Variants in DNAH9 observed in about 807,000 individuals in gnomAD.
DNAH9 encodes DNAH9 variant protein.
Under a neutral mutation model 471.6 loss-of-function variants are expected in DNAH9, and 345 were observed. That is an observed-to-expected ratio of 0.73 (90% confidence interval 0.67 to 0.80). The LOEUF (loss-of-function observed/expected upper bound fraction) is 0.80, where lower values mean the gene tolerates loss of function less well. Among genes scored for constraint, DNAH9 ranks in the 30% least tolerant of loss-of-function variants. The pLI, the probability that DNAH9 is intolerant of heterozygous loss-of-function variation, is 0.00. For synonymous variants in DNAH9, 2,093 were observed against 2,123.6 expected (o/e 0.99, Z 0.40); for missense variants, 5,407 against 5,609.2 (o/e 0.96, Z 1.15).
At chr17:11,812,390 A>G (rs1969959432) in intron 45 of DNAH9, among the ~76,000 whole-genome samples, 2 of 151,934 alleles carry the variant, frequency 1.3e-5, no homozygotes, top group South Asian at 4.2e-4. Flanking sequence ...TATCTAGTAT[A>G]TATAGATATA....
At chr17:11,912,709 T>A (rs770307169) in intron 61 of DNAH9, among the ~76,000 whole-genome samples, 19 of 152,208 alleles carry the variant, frequency 1.2e-4, no homozygotes, top group African/African-American at 3.6e-4. Flanking sequence ...GGACTCAATT[T>A]GCTAACATTT....
At chr17:11,640,088 C>A (rs375095386) in intron 9 of DNAH9, among the ~76,000 whole-genome samples, 182 bp from the exon 10 acceptor site, 1 of 152,176 alleles carries the variant, frequency 6.6e-6, no homozygotes, top group Non-Finnish European at 1.5e-5. Context: ...TGGGAGTGTT[C>A]GTCTCAGGGT....
At chr17:11,802,744 G>A (rs968159747) in intron 43 of DNAH9, among the ~76,000 whole-genome samples, 1 of 151,860 alleles carries the variant, frequency 6.6e-6, no homozygotes, top group Admixed American at 6.6e-5. Flanking sequence ...GATCCAAGGC[G>A]AGAACCTATT....
In DNAH9 at chr17:11,797,638, GTA is replaced by G; in HGVS notation, c.8267_8268del (p.Tyr2756LeufsTer34). 2 of 1,614,132 alleles carry G rather than the reference GTA, an allele frequency of 1.2e-6. No homozygotes were observed. Among genetic ancestry groups the G allele is most frequent in the Non-Finnish European group, 1.7e-6 (2 of 1,180,030 alleles). Reference sequence around the variant, plus strand: ...TGGAGCAGACCCAAAGCCCGAACCTGTATTGTCACTTTGCAAATGGTATTGGG... The same window carrying G: ...TGGAGCAGACCCAAAGCCCGAACCTGTTGTCACTTTGCAAATGGTATTGGG... ...PVEQTQSPNL[Y>X]CHFANGIGEP... On this transcript the variant is annotated frameshift_variant, in exon 43 of 69. Coordinates refer to ENST00000262442, the MANE Select transcript of DNAH9 (RefSeq NM_001372.4). LOFTEE classifies it high-confidence loss of function.
At chr17:11,609,079 G>A (rs538014889) in intron 2 of DNAH9, among the ~76,000 whole-genome samples, 39 of 152,216 alleles carry the variant, frequency 2.6e-4, no homozygotes, top group Middle Eastern at 3.4e-3. Context: ...TTGTGGCAAC[G>A]GACAGCCTTC....
chr17:11,797,059 A>C (rs951530795), intron 42 of DNAH9, among the ~76,000 whole-genome samples: 12 of 152,146 alleles, frequency 7.9e-5, no homozygotes, highest in Non-Finnish European at 1.5e-5. Context: ...TAAACCAGTC[A>C]CCTGAGGGTG....
At chr17:11,731,041 GTGA>G (rs1410503258) in intron 28 of DNAH9, among the ~76,000 whole-genome samples, 3 of 149,394 alleles carry the variant, frequency 2.0e-5, no homozygotes, top group Non-Finnish European at 4.4e-5. Flanking sequence ...GGTGGTGTCA[GTGA>G]TGATGGTGAT....
chr17:11,771,502 A>C (rs1476995870), intron 38 of DNAH9, among the ~76,000 whole-genome samples: 3 of 152,196 alleles, frequency 2.0e-5, no homozygotes, highest in Admixed American at 1.3e-4. Context: ...AATCAGCTCC[A>C]ATAAACCACT....
At chr17:11,632,477 A>C (rs1321242271) in intron 7 of DNAH9, 110 bp from the exon 8 acceptor site, 11 of 633,326 alleles carry the variant, frequency 1.7e-5, no homozygotes, top group Non-Finnish European at 3.1e-5. Flanking sequence ...GAAAATTAAA[A>C]TAATTCTTTG....
chr17:11,698,251 T>A (rs1244922790), intron 22 of DNAH9, among the ~76,000 whole-genome samples: 1 of 46,582 alleles, frequency 2.1e-5, no homozygotes, highest in Non-Finnish European at 4.9e-5. Context: ...ATATAATATA[T>A]TAATATATAA....
intron 67 of DNAH9, among the ~76,000 whole-genome samples, chr17:11,951,389 T>C (rs1975355645): frequency 6.6e-6 from 1 of 152,166 alleles, no homozygotes; most frequent in Non-Finnish European, 1.5e-5. Context: ...CATTTGTAGT[T>C]TTTAATGTAA....
At chr17:11,843,863 G>A (rs56218471) in intron 49 of DNAH9, among the ~76,000 whole-genome samples, 22,621 of 45,854 alleles carry the variant, frequency 0.49, 6,393 homozygotes, top group Non-Finnish European at 0.6. Flanking sequence ...GTGTGTGTGT[G>A]TATATATATA....
chr17:11,611,046 T>TTGCCCC (rs61498349), intron 3 of DNAH9, among the ~76,000 whole-genome samples: 56,686 of 151,062 alleles, frequency 0.38, 11,809 homozygotes, highest in South Asian at 0.62. Context: ...GGCTTCATTA[T>TTGCCCC]TGCTCCTGCT....
At chr17:11,774,797 C>T (rs1164644280) in intron 38 of DNAH9, among the ~76,000 whole-genome samples, 2 of 152,098 alleles carry the variant, frequency 1.3e-5, no homozygotes, top group Non-Finnish European at 1.5e-5. Flanking sequence ...AATCACAGCT[C>T]ATCCTTTCTC....
intron 29 of DNAH9, among the ~76,000 whole-genome samples, chr17:11,740,463 C>A (rs2150833663): frequency 6.6e-6 from 1 of 152,284 alleles, no homozygotes; most frequent in Non-Finnish European, 1.5e-5. Context: ...TGTATCCTCA[C>A]ATGGAGGAAA....
At chr17:11,713,664 T>A (rs909689808) in intron 26 of DNAH9, among the ~76,000 whole-genome samples, 2 of 152,232 alleles carry the variant, frequency 1.3e-5, no homozygotes, top group African/African-American at 4.8e-5. Flanking sequence ...TAAGAAATCT[T>A]TGCCTAACTT....
intron 43 of DNAH9, among the ~76,000 whole-genome samples, chr17:11,802,071 A>G (rs898387298): frequency 2.0e-5 from 3 of 152,130 alleles, no homozygotes; most frequent in Non-Finnish European, 4.4e-5. Flanking sequence ...TTAGTTGTAT[A>G]ATTTCCCATA....
chr17:11,693,237 C>CTTTTTT (rs776422086), intron 20 of DNAH9, among the ~76,000 whole-genome samples: 9 of 77,436 alleles, frequency 1.2e-4, no homozygotes, highest in African/African-American at 1.7e-4. Flanking sequence ...TTAAAATGCC[C>CTTTTTT]TTTTTTTTTT....
intron 49 of DNAH9, among the ~76,000 whole-genome samples, chr17:11,843,888 T>TATATATATATATACATAC (rs1188211391): frequency 1.5e-5 from 2 of 133,090 alleles, no homozygotes; most frequent in African/African-American, 5.7e-5. Context: ...TATATATATA[T>TATATATATATATACATAC]ATACACATAG....
Sources: allele counts gnomAD v4.1 joint callset (sites outside exome capture counted in the v4.1 genomes callset), GRCh38; gene constraint gnomAD v4.1.1; transcripts MANE v1.5; gene names NCBI Gene and HGNC (gene_info 2026-07-23, HGNC 2026-07-21).